AP3B1: variants seen among roughly 807,000 people sequenced by gnomAD.
AP3B1 encodes the protein adaptor related protein complex 3 subunit beta 1, also known as AP-3 complex subunit beta-1.
Under a neutral mutation model 132.5 loss-of-function variants are expected in AP3B1, and 61 were observed. The observed-to-expected ratio is 0.46, with a 90% CI of 0.37 to 0.57. AP3B1 has a LOEUF of 0.57. Ranked by LOEUF, AP3B1 falls within the 20% of genes least tolerant of loss-of-function variation. The pLI is 0.00. For missense variants in AP3B1, 1,120 were observed against 1,289.4 expected (o/e 0.87, Z 2.01); for synonymous variants, 388 against 438.3 (o/e 0.89, Z 1.43).
intron 25 of AP3B1, among the ~76,000 whole-genome samples, chr5:78,017,743 AAAT>A (rs1188714788): frequency 6.6e-6 from 1 of 152,066 alleles, no homozygotes; most frequent in African/African-American, 2.4e-5. Context: ...TCCTCCTAAA[AAAT>A]AATACTTTAA....
chr5:78,152,919 T>G (rs1217918755), intron 14 of AP3B1, among the ~76,000 whole-genome samples: 1 of 152,212 alleles, frequency 6.6e-6, no homozygotes, highest in Non-Finnish European at 1.5e-5. Flanking sequence ...TTGGTATTAT[T>G]TTTTTCAATG....
At chr5:78,016,786 G>A (rs966821418) in intron 25 of AP3B1, among the ~76,000 whole-genome samples, 5 of 152,162 alleles carry the variant, frequency 3.3e-5, no homozygotes, top group Non-Finnish European at 7.4e-5. Flanking sequence ...GGAACACTAT[G>A]TTCTGTCTTA....
chr5:78,278,356 T>TA (rs1401297205), intron 1 of AP3B1, among the ~76,000 whole-genome samples: 20 of 140,684 alleles, frequency 1.4e-4, no homozygotes, highest in South Asian at 4.6e-4. Flanking sequence ...GACTAATTCT[T>TA]TGGGAGGCCG....
At chr5:78,090,414 T>C (rs1223319518) in intron 21 of AP3B1, among the ~76,000 whole-genome samples, 1 of 152,236 alleles carries the variant, frequency 6.6e-6, no homozygotes, top group African/African-American at 2.4e-5. Flanking sequence ...GGGATAATAG[T>C]TCCCAAGATC....
chr5:78,063,411 T>C (rs1476370307), intron 22 of AP3B1, among the ~76,000 whole-genome samples: 1 of 152,200 alleles, frequency 6.6e-6, no homozygotes, highest in Non-Finnish European at 1.5e-5. Flanking sequence ...TACCCCAGCA[T>C]ACAGATTTAT....
At chr5:78,097,381 G>A (rs1366197702) in intron 21 of AP3B1, among the ~76,000 whole-genome samples, 2 of 132,024 alleles carry the variant, frequency 1.5e-5, no homozygotes, top group Non-Finnish European at 3.3e-5. Flanking sequence ...CGGGAGGGAG[G>A]TAGGGGGTCA....
At position 78,002,983 on chromosome 5, in the gene AP3B1, G is replaced by C. The variant is rs143654049; in HGVS notation, c.3204C>G (p.Ala1068=). ...TTTTCTCAGTGTTTATGATAAGCTG[G>C]GCTGTAGAGCCTTCCTTCAGTTCCA... ...VTVELKEGST[A]QLIINTEKTV... The change falls in exon 27 of 27, where the codon GCC becomes GCG. Residue 1068 remains alanine, a synonymous_variant. Transcript: ENST00000255194. The C allele has an allele frequency of 2.5e-6, 4 of 1,614,032 alleles. No homozygotes were observed. In the African/African-American group the frequency reaches 5.3e-5, roughly 22 times the overall value.
chr5:78,174,297 C>G (rs1365973375), intron 11 of AP3B1, among the ~76,000 whole-genome samples: 1 of 152,200 alleles, frequency 6.6e-6, no homozygotes, highest in Non-Finnish European at 1.5e-5. Flanking sequence ...CTTTTCTGCT[C>G]TGGTTTCTCC....
At chr5:78,250,175 T>C (rs961969796) in intron 2 of AP3B1, among the ~76,000 whole-genome samples, 5 of 152,160 alleles carry the variant, frequency 3.3e-5, no homozygotes, top group African/African-American at 4.8e-5. Flanking sequence ...TTGGCTCCAA[T>C]ATATTGGTCT....
At chr5:78,240,807 T>C (rs1451908339) in intron 3 of AP3B1, 55 bp downstream of exon 3, 1 of 1,209,022 alleles carries the variant, frequency 8.3e-7, no homozygotes, top group East Asian at 2.3e-5. Context: ...ACATAAAAAG[T>C]GTACGGTCCC....
chr5:78,229,535 C>G (rs911825938), intron 3 of AP3B1, among the ~76,000 whole-genome samples: 8 of 148,496 alleles, frequency 5.4e-5, no homozygotes, highest in African/African-American at 2.0e-4. Context: ...GAGTTCAGGA[C>G]CAGCCTGGGC....
At position 78,086,872 on chromosome 5, in the gene AP3B1, C is replaced by A. The variant is rs572969942; in HGVS notation, c.2577+2521G>T. 2.0e-5 allele frequency among the ~76,000 whole-genome samples: 3 copies of A among 151,920 alleles called. No individual in the cohort carries two copies. The South Asian group carries it at 6.3e-4, about 32-fold the overall frequency. On this transcript the variant is annotated intron_variant, in intron 22 of 26. Transcript: ENST00000255194. ...TTTTTTTTCTTTGGCAAGATTTTAA[C>A]AGGCTCAATTTTCCAGGGATGCAAG...
intron 26 of AP3B1, among the ~76,000 whole-genome samples, chr5:78,013,342 G>A (rs184760300): frequency 6.6e-6 from 1 of 152,246 alleles, no homozygotes; most frequent in Admixed American, 6.5e-5. Context: ...ACCTTGCCCA[G>A]CCTTGACATT....
At chr5:78,183,280 C>T (rs896418912) in intron 7 of AP3B1, among the ~76,000 whole-genome samples, 13 of 152,274 alleles carry the variant, frequency 8.5e-5, no homozygotes, top group African/African-American at 2.6e-4. Context: ...TCTCTCTTTC[C>T]ACCACCCTTC....
chr5:78,136,490 T>C (rs1163024100), intron 15 of AP3B1, among the ~76,000 whole-genome samples: 2 of 152,190 alleles, frequency 1.3e-5, no homozygotes, highest in Non-Finnish European at 2.9e-5. Flanking sequence ...AAAACATACA[T>C]ACCTCAAACA....
At chr5:78,252,508 A>C (rs1313886044) in intron 2 of AP3B1, among the ~76,000 whole-genome samples, 1 of 144,938 alleles carries the variant, frequency 6.9e-6, no homozygotes, top group Non-Finnish European at 1.5e-5. Flanking sequence ...GTACTGCCAG[A>C]GTTCCCCCGA....
At chr5:78,180,856 T>G (rs1744335281) in intron 8 of AP3B1, among the ~76,000 whole-genome samples, 1 of 151,988 alleles carries the variant, frequency 6.6e-6, no homozygotes, top group Admixed American at 6.5e-5. Flanking sequence ...TTAGTTTTGC[T>G]AGCCTGTAAT....
chr5:78,116,259 T>C (rs776587279), intron 17 of AP3B1, 25 bp from the exon 18 acceptor site: 93 of 1,563,170 alleles, frequency 5.9e-5, no homozygotes, highest in Non-Finnish European at 7.5e-5. Context: ...AAAGTAAATA[T>C]AAATGAATTC....
chr5:78,098,084 A>C (rs967813791), intron 21 of AP3B1, among the ~76,000 whole-genome samples: 1 of 151,178 alleles, frequency 6.6e-6, no homozygotes, highest in Admixed American at 6.6e-5. Flanking sequence ...TGAAGGCAGC[A>C]TGCTCGTTAA....
Sources: gnomAD v4.1 joint callset for allele counts (sites outside exome capture counted in the v4.1 genomes callset) on GRCh38, gnomAD v4.1.1 for gene constraint, MANE v1.5 for transcripts, NCBI Gene and HGNC (gene_info 2026-07-23, HGNC 2026-07-21) for gene names.